GRIP1: variants seen among roughly 807,000 people sequenced by gnomAD.
GRIP1 encodes glutamate receptor-interacting protein 1.
GRIP1 carries 45 observed loss-of-function variants against 129.9 expected under a neutral mutation model. That is an observed-to-expected ratio of 0.35 (90% CI 0.27 to 0.44). GRIP1 has a LOEUF of 0.44. GRIP1 is among the 20% of genes least tolerant of loss of function. GRIP1 has a pLI of 1.00. For missense variants in GRIP1, 1,196 were observed against 1,396.8 expected, an observed-to-expected ratio of 0.86 and a Z score of 2.29; for synonymous variants, 530 against 520.8, an observed-to-expected ratio of 1.02 and a Z score of -0.24.
At chr12:66,578,812 C>A (rs2063246929) in intron 2 of GRIP1, among the ~76,000 whole-genome samples, 1 of 152,208 alleles carries the variant, frequency 6.6e-6, no homozygotes, top group Non-Finnish European at 1.5e-5. Flanking sequence ...CCTCCGTAGG[C>A]TCCACCTCTC....
At chr12:66,634,112 A>G (rs759953509) in intron 1 of GRIP1, among the ~76,000 whole-genome samples, 2 of 152,264 alleles carry the variant, frequency 1.3e-5, no homozygotes, top group South Asian at 2.1e-4. Context: ...GGTAATAAGT[A>G]GTGATTTATC....
intron 5 of GRIP1, 70 bp from the exon 6 acceptor site, chr12:66,518,046 A>T: frequency 1.1e-6 from 1 of 874,686 alleles, no homozygotes; most frequent in Non-Finnish European, 2.0e-6. Context: ...CACCTACAAG[A>T]TATCAGCTGA....
chr12:66,778,586 G>A (rs559792480), intron 1 of GRIP1, among the ~76,000 whole-genome samples: 8 of 152,180 alleles, frequency 5.3e-5, no homozygotes, highest in Non-Finnish European at 8.8e-5. Context: ...AGACAGTGTC[G>A]TTTTTCTGCA....
chr12:66,695,934 G>C lies in GRIP1; in HGVS notation c.-419-65598C>G, dbSNP rs2035141809. ...GGTGGGACTGGAGGTGGATTGTGAA[G>C]GATAACTAAGAGTCTGTCCATGGTG... is the stretch of plus-strand genomic sequence containing the variant. On this transcript the variant is annotated intron_variant, in intron 1 of 4. Coordinates refer to the GRIP1 transcript ENST00000538373. Among the ~76,000 whole-genome samples, 3 of 152,034 alleles carry C rather than the reference G, an allele frequency of 2.0e-5. No individual in the cohort carries two copies. In the South Asian group the frequency reaches 6.2e-4, roughly 32 times the overall value.
rs139873142 is a variant in GRIP1 at position 66,675,158 on chromosome 12, C to T, written c.55+3692G>A. On this transcript the variant is annotated intron_variant, in intron 1 of 24. Coordinates refer to ENST00000359742, the MANE Select transcript of GRIP1 (RefSeq NM_001366722.1). ...ATACTAAAGTGAAGGCAAAGGTTTC[C>T]GACATGAGCTTTGAGCCAGTAGAGA... 7.2e-5 allele frequency among the ~76,000 whole-genome samples: 11 copies of T among 152,166 alleles called. No individual in the cohort carries two copies. The East Asian group carries it at 7.7e-4, about 11-fold the overall frequency.
At chr12:66,800,862 GATTA>G (rs2038837458) in intron 1 of GRIP1, among the ~76,000 whole-genome samples, 1 of 151,856 alleles carries the variant, frequency 6.6e-6, no homozygotes, top group Non-Finnish European at 1.5e-5. Context: ...TGGTGGATAC[GATTA>G]AATAAAAAAT....
At chr12:66,678,401 A>C (rs1247876165) in intron 1 of GRIP1, among the ~76,000 whole-genome samples, 1 of 152,192 alleles carries the variant, frequency 6.6e-6, no homozygotes, top group Admixed American at 6.5e-5. Context: ...AAGATGTTGG[A>C]AAGTCATAGA....
At chr12:66,439,530 G>T (rs2058411525) in intron 13 of GRIP1, among the ~76,000 whole-genome samples, 1 of 152,094 alleles carries the variant, frequency 6.6e-6, no homozygotes, top group Non-Finnish European at 1.5e-5. Flanking sequence ...GTGTAGTGTA[G>T]TGTAGTGCTG....
chr12:66,731,039 C>T (rs1270378284), intron 1 of GRIP1, among the ~76,000 whole-genome samples: 1 of 151,366 alleles, frequency 6.6e-6, no homozygotes, highest in African/African-American at 2.4e-5. Flanking sequence ...TATAAGCCTA[C>T]TCTTCTGGCT....
At chr12:66,843,643 A>G (rs1410754976) in intron 1 of GRIP1, among the ~76,000 whole-genome samples, 3 of 152,154 alleles carry the variant, frequency 2.0e-5, no homozygotes, top group African/African-American at 7.2e-5. Flanking sequence ...GAATGCCCAA[A>G]TAAACCCTCA....
intron 16 of GRIP1, among the ~76,000 whole-genome samples, chr12:66,399,505 T>C (rs1232103493): frequency 6.6e-6 from 1 of 151,982 alleles, no homozygotes; most frequent in Non-Finnish European, 1.5e-5. Context: ...AAGCAGATGT[T>C]AATGATATTA....
At chr12:66,427,104 G>A (rs138841640) in intron 14 of GRIP1, among the ~76,000 whole-genome samples, 2 of 152,208 alleles carry the variant, frequency 1.3e-5, no homozygotes, top group African/African-American at 2.4e-5. Context: ...TGTACTTCCC[G>A]AAGTTTCTGG....
chr12:66,844,064 G>T lies in GRIP1; in HGVS notation c.58+224986C>A, dbSNP rs568151339. Among the ~76,000 whole-genome samples, 24 of 152,094 alleles carry T rather than the reference G, an allele frequency of 1.6e-4. No individual in the cohort carries two copies. The South Asian group carries it at 4.8e-3, about 30-fold the overall frequency. On this transcript the variant is annotated intron_variant, in intron 1 of 1. Coordinates refer to the GRIP1 transcript ENST00000643019. Reference sequence around the variant, plus strand: ...TTTGTAAATCATGTATCTAATAAGGGGTTAATACCCAGAATATATAAAGAA... The same window carrying T: ...TTTGTAAATCATGTATCTAATAAGGTGTTAATACCCAGAATATATAAAGAA...
rs1592661256 is a variant in GRIP1, at chr12:66,348,886, A to T, written c.*133T>A. 10 of 771,382 alleles carry T rather than the reference A, an allele frequency of 1.3e-5. No homozygotes were observed. The East Asian group carries it at 2.4e-4, about 19-fold the overall frequency. The allele number at this position is 771,382 out of a possible 1,614,324, so 47.8% of individuals were successfully genotyped here. ...GAAGTGAACATGAGCCATGAGAGAG[A>T]TTTAAAAGACCCCTGTGCTTGCAGT... On this transcript the variant is annotated 3_prime_UTR_variant, in exon 25 of 25. Coordinates refer to ENST00000359742, the MANE Select transcript of GRIP1 (RefSeq NM_001366722.1).
At chr12:66,469,953 G>A (rs3891951) in intron 7 of GRIP1, among the ~76,000 whole-genome samples, 96,862 of 151,944 alleles carry the variant, frequency 0.64, 31,299 homozygotes, top group Middle Eastern at 0.76. Context: ...CCATCACACA[G>A]ACCAGAAACC....
At chr12:66,860,871 C>T (rs1410251545) in intron 1 of GRIP1, among the ~76,000 whole-genome samples, 1 of 152,014 alleles carries the variant, frequency 6.6e-6, no homozygotes, top group Non-Finnish European at 1.5e-5. Flanking sequence ...AGTTTTCTTT[C>T]CTTACTTTCT....
At chr12:67,034,960 A>G (rs17836619) in intron 1 of GRIP1, among the ~76,000 whole-genome samples, 2,723 of 152,304 alleles carry the variant, frequency 0.018, 88 homozygotes, top group East Asian at 0.095. Context: ...AACTTTCTCA[A>G]AAAAAGCACA....
At chr12:67,020,002 T>C (rs971824111) in intron 1 of GRIP1, among the ~76,000 whole-genome samples, 3 of 152,210 alleles carry the variant, frequency 2.0e-5, no homozygotes, top group Non-Finnish European at 4.4e-5. Context: ...TTGTTAATTA[T>C]GTACATAAAT....
intron 3 of GRIP1, among the ~76,000 whole-genome samples, chr12:66,541,111 C>G (rs1008905535): frequency 4.6e-5 from 7 of 152,132 alleles, no homozygotes; most frequent in African/African-American, 1.7e-4. Context: ...CACTGCCCGG[C>G]CTGGCCTCAT....
Sources: allele counts gnomAD v4.1 joint callset (sites outside exome capture counted in the v4.1 genomes callset), GRCh38; gene constraint gnomAD v4.1.1; transcripts MANE v1.5; gene names NCBI Gene and HGNC (gene_info 2026-07-23, HGNC 2026-07-21).